The following NEK6 variants were observed in gnomAD, a reference collection of about 807,000 sequenced individuals.
NEK6 encodes the protein NIMA related kinase 6.
In NEK6, 27 loss-of-function variants were observed where a neutral mutation model predicts 43.5. The ratio of observed to expected loss-of-function variants is 0.62; its 90% CI spans 0.46 to 0.86. The LOEUF is 0.86. Among genes scored for constraint, NEK6 ranks in the 40% least tolerant of loss-of-function variants. The pLI is 0.00. For missense variants in NEK6, 318 were observed against 414.4 expected (o/e 0.77, Z 2.02); for synonymous variants, 167 against 164.1 (o/e 1.02, Z -0.14).
intron 1 of NEK6, among the ~76,000 whole-genome samples, chr9:124,277,195 A>T (rs150755964): frequency 2.6e-5 from 4 of 152,310 alleles, no homozygotes; most frequent in Admixed American, 6.5e-5. Context: ...CTGTAATTCC[A>T]GCACTTTGGG....
At chr9:124,321,060 G>A (rs1834040309) in intron 4 of NEK6, among the ~76,000 whole-genome samples, 1 of 152,264 alleles carries the variant, frequency 6.6e-6, no homozygotes, top group African/African-American at 2.4e-5. Context: ...CACAGGGACA[G>A]AGAGGTGGGG....
chr9:124,319,688 G>C lies in NEK6; in HGVS notation c.295-1771G>C, dbSNP rs1252616929. Among the ~76,000 whole-genome samples, 6 of 152,138 alleles carry C rather than the reference G, an allele frequency of 3.9e-5. No homozygotes were observed. In the East Asian group the frequency reaches 1.2e-3, roughly 29 times the overall value. On this transcript the variant is annotated intron_variant, in intron 4 of 9. Transcript: ENST00000320246. ...TCTGCATATAGCTAGCCAGTTAATT[G>C]AGTAGGGAGTCCTTTCCCCATTGCT...
At chr9:124,263,571 TGA>T (rs1831116214) in intron 1 of NEK6, among the ~76,000 whole-genome samples, 1 of 152,198 alleles carries the variant, frequency 6.6e-6, no homozygotes, top group South Asian at 2.1e-4. Flanking sequence ...CAAGATTACA[TGA>T]GAGACATGGA....
rs939596812 is a variant in NEK6 at position 124,352,219 on chromosome 9, G to C, written c.*1272G>C. 3 of 152,690 alleles carry C rather than the reference G, an allele frequency of 2.0e-5. No homozygotes were observed. Among genetic ancestry groups the C allele is most frequent in the Admixed American group, 1.3e-4 (2 of 15,310 alleles). 9.5% of individuals were successfully genotyped at this position (152,690 alleles called of 1,614,324 possible). A position where few individuals can be genotyped will look rare whatever the true frequency, so the allele number is the denominator to read the frequency against. On this transcript the variant is annotated 3_prime_UTR_variant, in exon 10 of 10. Coordinates refer to ENST00000320246, the MANE Select transcript of NEK6 (RefSeq NM_014397.6). Reference sequence around the variant, plus strand: ...CAAGAGCAGCGCTGGCATCGGGCAGGTGATTCCTGACACCTGCTGCCTGCA... The same window carrying C: ...CAAGAGCAGCGCTGGCATCGGGCAGCTGATTCCTGACACCTGCTGCCTGCA...
chr9:124,269,551 T>G (rs1831347153), intron 1 of NEK6, among the ~76,000 whole-genome samples: 1 of 151,992 alleles, frequency 6.6e-6, no homozygotes, highest in Non-Finnish European at 1.5e-5. Flanking sequence ...TTTTTTTTTG[T>G]ATTTTTAGTA....
At chr9:124,317,892 C>G (rs1386256573) in intron 4 of NEK6, among the ~76,000 whole-genome samples, 1 of 152,240 alleles carries the variant, frequency 6.6e-6, no homozygotes, top group African/African-American at 2.4e-5. Context: ...CTATTGTATA[C>G]ATGTACCACA....
upstream of NEK6, chr9:124,257,815 C>G: frequency 8.0e-7 from 1 of 1,255,708 alleles, no homozygotes; most frequent in South Asian, 1.8e-5. Flanking sequence ...GTCGAGGGGT[C>G]CAGGCCCAGG....
At chr9:124,322,174 C>T (rs528378712) in intron 5 of NEK6, among the ~76,000 whole-genome samples, 1 of 152,284 alleles carries the variant, frequency 6.6e-6, no homozygotes, top group South Asian at 2.1e-4. Flanking sequence ...TGGACATGGT[C>T]CCAAGATGCT....
chr9:124,262,259 C>T (rs1831061533), intron 1 of NEK6, among the ~76,000 whole-genome samples: 1 of 152,248 alleles, frequency 6.6e-6, no homozygotes, highest in Admixed American at 6.5e-5. Context: ...TTCACTCATT[C>T]CTGTCTGAGC....
intron 1 of NEK6, chr9:124,291,943 C>T: frequency 1.0e-6 from 1 of 986,038 alleles, no homozygotes; most frequent in Non-Finnish European, 1.2e-6. Context: ...GGGGAAGTCC[C>T]ATGCGGAGAC....
intron 1 of NEK6, chr9:124,261,575 C>T (rs867236309): frequency 3.5e-5 from 34 of 985,294 alleles, no homozygotes; most frequent in South Asian, 4.7e-5. Context: ...ACAGCGAGAT[C>T]GCTTGTAGGT....
At chr9:124,328,320 A>G (rs906444557) in intron 7 of NEK6, among the ~76,000 whole-genome samples, 1 of 152,158 alleles carries the variant, frequency 6.6e-6, no homozygotes. Flanking sequence ...CGTTACTACA[A>G]GGCTGTCTGG....
intron 1 of NEK6, among the ~76,000 whole-genome samples, chr9:124,294,164 G>A (rs1251627655): frequency 2.6e-5 from 4 of 152,304 alleles, no homozygotes; most frequent in South Asian, 2.1e-4. Flanking sequence ...TCAGTAGTTC[G>A]AGACCAGCCT....
chr9:124,312,897 G>C (rs1833608807), intron 3 of NEK6, among the ~76,000 whole-genome samples: 1 of 152,216 alleles, frequency 6.6e-6, no homozygotes, highest in South Asian at 2.1e-4. Flanking sequence ...GGAGCACATG[G>C]AGCCTCTCAA....
intron 8 of NEK6, among the ~76,000 whole-genome samples, chr9:124,342,162 C>T (rs554617595): frequency 2.4e-4 from 36 of 152,260 alleles, no homozygotes; most frequent in African/African-American, 8.2e-4. Flanking sequence ...GCTCCAGCGT[C>T]ACCGCCCTGC....
intron 8 of NEK6, among the ~76,000 whole-genome samples, chr9:124,344,469 C>G (rs944647984): frequency 1.3e-5 from 2 of 152,310 alleles, no homozygotes; most frequent in South Asian, 2.1e-4. Flanking sequence ...GGGGCCCCAG[C>G]GGAGTGTCTT....
At chr9:124,261,507 G>A (rs952847783) in intron 1 of NEK6, 6 of 985,326 alleles carry the variant, frequency 6.1e-6, no homozygotes, top group Admixed American at 1.2e-4. Context: ...GGAAGAGTCC[G>A]GTGTTCTGGC....
Position 124,326,445 on chromosome 9 carries a change from G to A in NEK6, c.514+7G>A, listed in dbSNP as rs1396860366. 1.2e-6 allele frequency: 2 copies of A among 1,600,652 alleles called. No individual in the cohort carries two copies. Among genetic ancestry groups the A allele is most frequent in the African/African-American group, 1.3e-5 (1 of 74,894 alleles). ...CGCCGGGTGATGCACCGAGGTACGT[G>A]CCACCCGCCAGGAGCCGCCCGGAGC... is the stretch of plus-strand genomic sequence containing the variant. On this transcript the variant is annotated splice_region_variant and intron_variant, in intron 6 of 9. Transcript: ENST00000320246. The surrounding 1 kb of genome is among the most constrained non-coding windows in gnomAD (Gnocchi z 4.5).
chr9:124,302,086 G>T, intron 2 of NEK6, 32 bp downstream of exon 2: 2 of 1,490,118 alleles, frequency 1.3e-6, no homozygotes, highest in Non-Finnish European at 1.8e-6. Context: ...GCAGCACACT[G>T]AAGAGTTCCC....
Sources: allele counts gnomAD v4.1 joint callset (sites outside exome capture counted in the v4.1 genomes callset), GRCh38; gene constraint gnomAD v4.1.1; non-coding constraint Gnocchi (gnomAD v3.1); transcripts MANE v1.5; gene names NCBI Gene and HGNC (gene_info 2026-07-23, HGNC 2026-07-21).